KIAA0232: variants seen among roughly 807,000 people sequenced by gnomAD.
The protein encoded by KIAA0232 is KIAA0232.
KIAA0232 carries 27 observed loss-of-function variants against 122.0 expected under a neutral mutation model. That is an observed-to-expected ratio of 0.22 (90% CI 0.16 to 0.31). KIAA0232 has a LOEUF of 0.31. KIAA0232 is among the 10% of genes least tolerant of loss of function. KIAA0232 has a pLI of 1.00. For synonymous variants in KIAA0232, 613 were observed against 587.6 expected, an observed-to-expected ratio of 1.04 and a Z score of -0.63; for missense variants, 1,551 against 1,634.2, an observed-to-expected ratio of 0.95 and a Z score of 0.88.
At chr4:6,836,462 T>G (rs1390733367) in intron 3 of KIAA0232, among the ~76,000 whole-genome samples, 1 of 151,620 alleles carries the variant, frequency 6.6e-6, no homozygotes, top group Non-Finnish European at 1.5e-5. Context: ...TCTCACTTTT[T>G]CCTGATTTCT....
At chr4:6,802,771 G>T (rs1717443230) in intron 1 of KIAA0232, among the ~76,000 whole-genome samples, 1 of 152,118 alleles carries the variant, frequency 6.6e-6, no homozygotes, top group Non-Finnish European at 1.5e-5. Context: ...TGTTGGTGAT[G>T]TAAGGAGCAC....
chr4:6,848,788 G>GA (rs776712961), intron 4 of KIAA0232, among the ~76,000 whole-genome samples: 4 of 152,202 alleles, frequency 2.6e-5, no homozygotes, highest in Admixed American at 6.5e-5. Context: ...GTGCCTGTCT[G>GA]AATACATTAT....
Position 6,862,561 on chromosome 4 carries a change from T to C in KIAA0232, c.2179T>C (p.Leu727=). Residue 727 remains leucine (L), a synonymous_variant, in exon 7 of 10, where the codon TTA becomes CTA. Coordinates refer to ENST00000307659, the MANE Select transcript of KIAA0232 (RefSeq NM_014743.3). The part of the protein sequence containing the change: ...SEETRSDNET[L]NIQFEESTQF... ...AGAAACACGTTCAGACAATGAAACA[T>C]TAAATATTCAGTTTGAAGAATCCAC... is the stretch of plus-strand genomic sequence containing the variant. 1 of 1,613,670 alleles carries C rather than the reference T, an allele frequency of 6.2e-7. No individual in the cohort carries two copies. The highest frequency in any genetic ancestry group is 1.1e-5 in the South Asian group (1 of 90,886).
rs759299268 is a variant in KIAA0232 at position 6,880,856 on chromosome 4, G to T, written c.4078G>T (p.Gly1360Ter). 2.1e-5 allele frequency: 34 copies of T among 1,607,162 alleles called. No homozygotes were observed. The highest frequency in any genetic ancestry group is 2.8e-5 in the Non-Finnish European group (33 of 1,176,424). The part of the protein sequence containing the change: ...DSGAKSDGFR[G>*]KMCSSASSTS... ...TGGAGCAAAGTCAGATGGCTTCCGC[G>T]GAAAGATGTGCTCCAGCGCCAGCTC... Residue 1360 changes from glycine to a stop codon, truncating the protein, a stop_gained, in exon 10 of 10, where the codon GGA (glycine) becomes TGA (stop). Transcript: ENST00000307659. LOFTEE classifies it low-confidence loss of function (END_TRUNC).
At chr4:6,835,671 A>G (rs763348969) in intron 3 of KIAA0232, among the ~76,000 whole-genome samples, 2 of 151,744 alleles carry the variant, frequency 1.3e-5, no homozygotes, top group African/African-American at 2.4e-5. Context: ...CCCTGTGTCC[A>G]TGTGTTCTCA....
intron 7 of KIAA0232, among the ~76,000 whole-genome samples, chr4:6,868,397 TGTTAA>T (rs536134548): frequency 6.6e-6 from 1 of 152,172 alleles, no homozygotes; most frequent in Non-Finnish European, 1.5e-5. Context: ...ACAATAAACA[TGTTAA>T]GTTATATAGT....
chr4:6,788,026 T>C (rs779037164), intron 1 of KIAA0232, among the ~76,000 whole-genome samples: 21 of 152,324 alleles, frequency 1.4e-4, no homozygotes, highest in Non-Finnish European at 2.6e-4. Flanking sequence ...AATCTTTTAT[T>C]GGATCTCTTC....
chr4:6,817,069 G>T (rs79294427), intron 2 of KIAA0232, among the ~76,000 whole-genome samples: 2,574 of 152,056 alleles, frequency 0.017, 75 homozygotes, highest in African/African-American at 0.057. Flanking sequence ...TCTGCTCTGA[G>T]CTTTTTTCTG....
intron 2 of KIAA0232, among the ~76,000 whole-genome samples, chr4:6,810,305 T>C (rs568818351): frequency 2.0e-5 from 3 of 152,262 alleles, no homozygotes; most frequent in East Asian, 3.9e-4. Flanking sequence ...TTGACAACGC[T>C]ACCAACAACA....
In KIAA0232 at chr4:6,855,753, C is replaced by T. The variant is rs113846159; in HGVS notation, c.370-1411C>T. The T allele has an allele frequency of 4.4e-5, 28 of 635,020 alleles. 1 individual carries two copies. The highest frequency in any genetic ancestry group is 3.0e-4 in the African/African-American group (15 of 50,548). The allele number at this position is 635,020 out of a possible 1,614,324, so 39.3% of individuals were successfully genotyped here. ...CCTAGAGGTTCAGTGTTCTGCATTG[C>T]GAGACTAGCCCTAGGTTTAGAAACC... On this transcript the variant is annotated intron_variant, in intron 4 of 9. Transcript: ENST00000307659. The surrounding 1 kb of genome is among the most constrained non-coding windows in gnomAD (Gnocchi z 4.3).
chr4:6,808,456 A>G lies in KIAA0232; in HGVS notation c.-270+3850A>G, dbSNP rs573666990. On this transcript the variant is annotated intron_variant, in intron 2 of 9. Coordinates refer to ENST00000307659, the MANE Select transcript of KIAA0232 (RefSeq NM_014743.3). ...AGTTAAAAATATAGAGAGTTCAAGC[A>G]TGACTTGCAGAAGTACCATACTAGA... Among the ~76,000 whole-genome samples, 6 of 146,100 alleles carry G rather than the reference A, an allele frequency of 4.1e-5. No individual in the cohort carries two copies. The South Asian group carries it at 1.3e-3, about 33-fold the overall frequency.
intron 4 of KIAA0232, among the ~76,000 whole-genome samples, chr4:6,856,548 C>T (rs1482736495): frequency 6.6e-6 from 1 of 152,106 alleles, no homozygotes; most frequent in Non-Finnish European, 1.5e-5. Flanking sequence ...AAATTTTAAA[C>T]TCCCAAGCTT....
At position 6,880,811 on chromosome 4, in the gene KIAA0232, T is replaced by A. The variant is rs1722032145; in HGVS notation, c.4033T>A (p.Cys1345Ser). ...NRVSSVYEAR[C>S]TGERDSGAKS... Reference sequence around the variant, plus strand: ...GGTGTCTTCTGTTTATGAAGCAAGATGTACAGGAGAGAGAGATTCTGGAGC... The same window carrying A: ...GGTGTCTTCTGTTTATGAAGCAAGAAGTACAGGAGAGAGAGATTCTGGAGC... The change falls in exon 10 of 10, where the codon TGT becomes AGT. Residue 1345 changes from cysteine to serine, a missense_variant. By Grantham distance (112) the Cys-to-Ser change is moderately radical (BLOSUM62 -1). Around this residue, in one of 5 missense-constraint regions of KIAA0232, gnomAD observed 1,108 missense variants for 1,154.8 expected, o/e 0.96. Coordinates refer to ENST00000307659, the MANE Select transcript of KIAA0232 (RefSeq NM_014743.3). The A allele has an allele frequency of 1.3e-6, 2 of 1,562,520 alleles. No individual in the cohort carries two copies. The highest frequency in any genetic ancestry group is 1.7e-6 in the Non-Finnish European group (2 of 1,152,276).
intron 7 of KIAA0232, among the ~76,000 whole-genome samples, chr4:6,865,339 G>C (rs544002613): frequency 4.6e-5 from 7 of 152,010 alleles, no homozygotes; most frequent in Non-Finnish European, 1.0e-4. Context: ...TCGCTCTGTC[G>C]CCCAGGCTTG....
intron 4 of KIAA0232, 108 bp downstream of exon 4, chr4:6,842,312 T>C (rs979170311): frequency 2.7e-6 from 3 of 1,107,014 alleles, no homozygotes; most frequent in Non-Finnish European, 2.6e-6. Context: ...AAAGTACTTA[T>C]TTATTTTACC....
At chr4:6,813,456 A>G (rs901082883) in intron 2 of KIAA0232, among the ~76,000 whole-genome samples, 6 of 150,894 alleles carry the variant, frequency 4.0e-5, no homozygotes, top group South Asian at 2.1e-4. Flanking sequence ...TCTGCCTCCC[A>G]GGTTCACGCC....
chr4:6,815,972 A>G (rs1031669005), intron 2 of KIAA0232, among the ~76,000 whole-genome samples: 6 of 152,190 alleles, frequency 3.9e-5, no homozygotes, highest in African/African-American at 1.2e-4. Flanking sequence ...TCGACAACAA[A>G]AAGAATCTTA....
At position 6,861,716 on chromosome 4, in the gene KIAA0232, T is replaced by C; in HGVS notation, c.1334T>C (p.Val445Ala). 6.2e-7 allele frequency: 1 copy of C among 1,614,180 alleles called. No individual in the cohort carries two copies. Among genetic ancestry groups the C allele is most frequent in the Non-Finnish European group, 8.5e-7 (1 of 1,180,038 alleles). ...SEAVEELSES[V>A]HGLCISNNNL... ...GCAGTGGAAGAATTGTCTGAATCAGTGCATGGTCTTTGTATCAGCAACAAT... is the reference window on the plus strand; with the variant it reads ...GCAGTGGAAGAATTGTCTGAATCAGCGCATGGTCTTTGTATCAGCAACAAT... The change falls in exon 7 of 10, where the codon GTG becomes GCG. Residue 445 changes from valine (V) to alanine (A), a missense_variant. Around this residue, in one of 5 missense-constraint regions of KIAA0232, gnomAD observed 1,108 missense variants for 1,154.8 expected, o/e 0.96. Transcript: ENST00000307659.
At chr4:6,832,248 T>C (rs1341921781) in intron 3 of KIAA0232, among the ~76,000 whole-genome samples, 1 of 152,230 alleles carries the variant, frequency 6.6e-6, no homozygotes, top group Non-Finnish European at 1.5e-5. Context: ...TCTTACCTAA[T>C]TTATTTTTCT....
Sources: gnomAD v4.1 joint callset for allele counts (sites outside exome capture counted in the v4.1 genomes callset) on GRCh38, gnomAD v4.1.1 for gene constraint, gnomAD v4.1.1 regional missense constraint, Gnocchi (gnomAD v3.1) non-coding constraint, MANE v1.5 for transcripts, NCBI Gene and HGNC (gene_info 2026-07-23, HGNC 2026-07-21) for gene names.